The following MYO16 variants were observed in gnomAD, a reference collection of about 807,000 sequenced individuals.
MYO16 encodes unconventional myosin-XVI.
MYO16 carries 94 observed loss-of-function variants against 205.3 expected under a neutral mutation model. The ratio of observed to expected loss-of-function variants is 0.46; its 90% CI spans 0.39 to 0.54. The LOEUF is 0.54. Among genes scored for constraint, MYO16 ranks in the 20% least tolerant of loss-of-function variants. The probability of loss-of-function intolerance (pLI) is 0.00; values close to 1 mark genes in which losing one functional copy is unlikely to be tolerated. For missense variants in MYO16, 2,315 were observed against 2,387.5 expected (o/e 0.97, Z 0.63); for synonymous variants, 988 against 954.0 (o/e 1.04, Z -0.66).
At chr13:108,684,087 G>A (rs1211656566) in intron 2 of MYO16, among the ~76,000 whole-genome samples, 2 of 152,180 alleles carry the variant, frequency 1.3e-5, no homozygotes, top group South Asian at 2.1e-4. Flanking sequence ...TGTTGGCCAA[G>A]ATGGCCTCGA....
chr13:109,101,174 A>G, intron 28 of MYO16: 1 of 296,618 alleles, frequency 3.4e-6, no homozygotes, highest in Non-Finnish European at 6.6e-6. Flanking sequence ...ATACCTTGTC[A>G]GTAAAGCATT....
the MYO16 span, among the ~76,000 whole-genome samples, chr13:108,562,800 T>C: frequency 6.6e-6 from 1 of 152,200 alleles, no homozygotes; most frequent in East Asian, 1.9e-4. Context: ...CTAGGAGCAA[T>C]AGGCTATACC....
chr13:108,708,489 T>C (rs1252277778), intron 2 of MYO16, among the ~76,000 whole-genome samples: 1 of 152,246 alleles, frequency 6.6e-6, no homozygotes, highest in Non-Finnish European at 1.5e-5. Context: ...CTTTCCCAGG[T>C]AACACAAGAA....
chr13:108,792,445 T>A (rs1463876538), intron 5 of MYO16, among the ~76,000 whole-genome samples: 1 of 152,060 alleles, frequency 6.6e-6, no homozygotes, highest in Non-Finnish European at 1.5e-5. Context: ...AAAGTTAACA[T>A]TGGGACAATA....
chr13:108,718,607 T>C (rs1429063141), intron 3 of MYO16, among the ~76,000 whole-genome samples: 1 of 151,972 alleles, frequency 6.6e-6, no homozygotes, highest in African/African-American at 2.4e-5. Flanking sequence ...TACTGATGTC[T>C]GAGGGTGAGC....
the MYO16 span, among the ~76,000 whole-genome samples, chr13:108,521,529 T>C: frequency 1.3e-4 from 20 of 152,316 alleles, no homozygotes; most frequent in African/African-American, 4.6e-4. Context: ...ATTCTTTTGA[T>C]CTCAAACATA....
chr13:108,798,300 A>C (rs765327689), intron 6 of MYO16, among the ~76,000 whole-genome samples: 5 of 152,208 alleles, frequency 3.3e-5, no homozygotes, highest in African/African-American at 4.8e-5. Flanking sequence ...ATTAGGCATA[A>C]ATTTTCACAG....
Position 108,738,086 on chromosome 13 carries a change from T to C in MYO16, c.507+10503T>C, listed in dbSNP as rs549845403. 2.6e-5 allele frequency among the ~76,000 whole-genome samples: 4 copies of C among 152,350 alleles called. No individual in the cohort carries two copies. In the South Asian group the frequency reaches 6.2e-4, roughly 24 times the overall value. On this transcript the variant is annotated intron_variant, in intron 4 of 34. Transcript: ENST00000457511. Reference sequence around the variant, plus strand: ...TTGTTGATCTTTTCAGAAAACCAGCTCCTGGATTCATTGATATTTTGAAGG... The same window carrying C: ...TTGTTGATCTTTTCAGAAAACCAGCCCCTGGATTCATTGATATTTTGAAGG...
intron 27 of MYO16, among the ~76,000 whole-genome samples, chr13:109,080,555 T>C (rs983485869): frequency 2.1e-5 from 3 of 144,592 alleles, no homozygotes; most frequent in African/African-American, 5.1e-5. Context: ...CTGAACAGAA[T>C]TCTGAACATT....
intron 27 of MYO16, among the ~76,000 whole-genome samples, chr13:109,072,574 A>AACAC (rs66755145): frequency 0.033 from 4,959 of 149,172 alleles, 121 homozygotes; most frequent in East Asian, 0.12. Flanking sequence ...TGTGGCATTA[A>AACAC]ACACACACAC....
At chr13:109,198,732 G>A (rs1880264790) in intron 34 of MYO16, among the ~76,000 whole-genome samples, 1 of 152,134 alleles carries the variant, frequency 6.6e-6, no homozygotes, top group African/African-American at 2.4e-5. Flanking sequence ...CTACTTTTGT[G>A]AGGCTTTCTT....
intron 1 of MYO16, among the ~76,000 whole-genome samples, chr13:108,611,389 A>G (rs375747307): frequency 7.2e-5 from 11 of 152,308 alleles, no homozygotes; most frequent in East Asian, 1.9e-4. Flanking sequence ...TTAATTTGGA[A>G]CTACTAGAAA....
At chr13:108,576,711 C>A in the MYO16 span, among the ~76,000 whole-genome samples, 1 of 152,102 alleles carries the variant, frequency 6.6e-6, no homozygotes, top group Non-Finnish European at 1.5e-5. Context: ...AGGGGCATTT[C>A]AGCTTTAAGT....
chr13:108,503,928 G>A, the MYO16 span, among the ~76,000 whole-genome samples: 1 of 151,754 alleles, frequency 6.6e-6, no homozygotes, highest in Non-Finnish European at 1.5e-5. Context: ...TTAATTTCCA[G>A]GGTTCCTGTG....
chr13:108,961,786 G>A (rs540545740), intron 18 of MYO16, 130 bp downstream of exon 18: 6 of 685,466 alleles, frequency 8.8e-6, no homozygotes, highest in South Asian at 7.3e-5. Flanking sequence ...AATTCAGTGA[G>A]GGGGGGAAAT....
chr13:108,537,337 C>CT, the MYO16 span, among the ~76,000 whole-genome samples: 1 of 151,966 alleles, frequency 6.6e-6, no homozygotes, highest in Non-Finnish European at 1.5e-5. Flanking sequence ...ATTTTATTTC[C>CT]TTTTTATGGC....
chr13:108,550,517 A>G, the MYO16 span, among the ~76,000 whole-genome samples: 1 of 152,236 alleles, frequency 6.6e-6, no homozygotes, highest in Admixed American at 6.5e-5. Flanking sequence ...AATTACAAAT[A>G]GAGAAGCAAG....
intron 1 of MYO16, among the ~76,000 whole-genome samples, chr13:108,661,426 AG>A (rs2139424215): frequency 6.6e-6 from 1 of 152,094 alleles, no homozygotes; most frequent in South Asian, 2.1e-4. Flanking sequence ...GATTATTCTT[AG>A]GTTTGGTCAT....
intron 9 of MYO16, among the ~76,000 whole-genome samples, chr13:108,841,238 A>T (rs905698134): frequency 3.3e-5 from 5 of 152,218 alleles, no homozygotes; most frequent in African/African-American, 1.2e-4. Context: ...AATGAAACAC[A>T]CTAGAGAGTC....
Sources: gnomAD v4.1 joint callset for allele counts (sites outside exome capture counted in the v4.1 genomes callset) on GRCh38, gnomAD v4.1.1 for gene constraint, MANE v1.5 for transcripts, NCBI Gene and HGNC (gene_info 2026-07-23, HGNC 2026-07-21) for gene names.